USB1: variants seen among roughly 807,000 people sequenced by gnomAD.
USB1 encodes U6 snRNA phosphodiesterase 1.
In USB1, 21 loss-of-function variants were observed where a neutral mutation model predicts 29.9. That is an observed-to-expected ratio of 0.70 (90% CI 0.50 to 1.01). The LOEUF is 1.01. Ranked by LOEUF, USB1 falls within the 50% of genes least tolerant of loss-of-function variation. USB1 has a pLI of 0.00. For synonymous variants in USB1, 143 were observed against 134.9 expected, an observed-to-expected ratio of 1.06 and a Z score of -0.42; for missense variants, 330 against 347.1, an observed-to-expected ratio of 0.95 and a Z score of 0.39.
At chr16:58,010,779 C>A in intron 3 of USB1, 1 of 549,130 alleles carries the variant, frequency 1.8e-6, no homozygotes, top group Admixed American at 3.1e-5. Context: ...GGGTCCCGAG[C>A]ATGGGAGCTT....
chr16:58,010,838 G>A (rs150856515), intron 3 of USB1: 9 of 601,060 alleles, frequency 1.5e-5, no homozygotes, highest in Admixed American at 5.5e-5. Context: ...ACATGGGTGC[G>A]TTCTTAATCA....
chr16:58,019,881 C>A (rs1478913429), intron 6 of USB1, among the ~76,000 whole-genome samples: 2 of 152,144 alleles, frequency 1.3e-5, no homozygotes, highest in Non-Finnish European at 2.9e-5. Context: ...CTCCGGCAGA[C>A]CTGGGTCCCA....
intron 2 of USB1, among the ~76,000 whole-genome samples, chr16:58,003,395 C>T (rs1356358914): frequency 6.6e-6 from 1 of 152,214 alleles, no homozygotes; most frequent in Non-Finnish European, 1.5e-5. Flanking sequence ...CCACTGCACT[C>T]CAGCCTGGGT....
chr16:58,017,422 C>T lies in USB1; in HGVS notation c.592C>T (p.Leu198Phe), dbSNP rs765307761. The change falls in exon 5 of 7, where the codon CTC (leucine) becomes TTC (phenylalanine). Residue 198 changes from leucine to phenylalanine, a missense_variant. By Grantham distance (22) the Leu-to-Phe change is conservative. Coordinates refer to ENST00000219281, the MANE Select transcript of USB1 (RefSeq NM_024598.4). ...GGACAGAGTCATGGAGGAATTCAAC[C>T]TCACCACTTTCTACCAGGTAATGAA... ...EVDRVMEEFN[L>F]TTFYQDPSFH... 1.2e-6 allele frequency: 2 copies of T among 1,614,160 alleles called. No homozygotes were observed. The highest frequency in any genetic ancestry group is 1.7e-6 in the Non-Finnish European group (2 of 1,179,976).
At chr16:58,010,905 T>C in intron 3 of USB1, 1 of 680,176 alleles carries the variant, frequency 1.5e-6, no homozygotes, top group Non-Finnish European at 2.7e-6. Flanking sequence ...CTTCATCACA[T>C]AGGCATGATG....
intron 3 of USB1, 64 bp downstream of exon 3, chr16:58,010,176 G>A: frequency 6.3e-7 from 1 of 1,596,628 alleles, no homozygotes; most frequent in South Asian, 1.1e-5. Context: ...CCTCTCCTGA[G>A]CTACTGCGGG....
In USB1 at chr16:58,011,502, C is replaced by T. The variant is rs16959635; in HGVS notation, c.449+1390C>T. 2.8e-3 allele frequency: 2,867 copies of T among 1,013,452 alleles called. 65 individuals carry two copies. In the African/African-American group the frequency reaches 0.046, roughly 16 times the overall value. 62.8% of individuals were successfully genotyped at this position (1,013,452 alleles called of 1,614,324 possible). A position where few individuals can be genotyped will look rare whatever the true frequency, so the allele number is the denominator to read the frequency against. ...CCCTGCTCTTTCACTGAGGCTCTCCCGGTTGGCATATCCTGCAGAATCCCT... is the reference window on the plus strand; with the variant it reads ...CCCTGCTCTTTCACTGAGGCTCTCCTGGTTGGCATATCCTGCAGAATCCCT... On this transcript the variant is annotated intron_variant, in intron 3 of 6. Coordinates refer to ENST00000219281, the MANE Select transcript of USB1 (RefSeq NM_024598.4).
intron 2 of USB1, 83 bp downstream of exon 2, chr16:58,002,728 A>G (rs554131905): frequency 1.3e-6 from 2 of 1,584,774 alleles, no homozygotes; most frequent in East Asian, 2.3e-5. Context: ...CCCCAACTAG[A>G]AGGAAGAAAC....
chr16:58,010,491 G>A (rs1462315290), intron 3 of USB1, among the ~76,000 whole-genome samples: 1 of 152,162 alleles, frequency 6.6e-6, no homozygotes, highest in African/African-American at 2.4e-5. Flanking sequence ...CAGGGTTAGT[G>A]CAGACTTCAT....
chr16:58,016,969 C>A, intron 4 of USB1: 1 of 327,124 alleles, frequency 3.1e-6, no homozygotes, highest in Non-Finnish European at 5.9e-6. Context: ...GGAGCAAAGT[C>A]CTCGAGAAGA....
chr16:58,020,512 CCT>C lies in USB1; in HGVS notation c.*276_*277del, dbSNP rs963332207. ...CTCTTCCTCTCTTCTCTCTTCCTCTCCTCTCTCTCTTCCTCTTCTCTCTCTTC... is the reference window on the plus strand; with the variant it reads ...CTCTTCCTCTCTTCTCTCTTCCTCTCCTCTCTCTTCCTCTTCTCTCTCTTC... On this transcript the variant is annotated 3_prime_UTR_variant, in exon 7 of 7. Transcript: ENST00000219281. 45 of 518,266 alleles carry C rather than the reference CCT, an allele frequency of 8.7e-5. No individual in the cohort carries two copies. The highest frequency in any genetic ancestry group is 2.4e-4 in the East Asian group (7 of 28,926). The allele number at this position is 518,266 out of a possible 1,614,324, so 32.1% of individuals were successfully genotyped here. A position where few individuals can be genotyped will look rare whatever the true frequency, so the allele number is the denominator to read the frequency against.
At chr16:58,001,972 TC>T in intron 1 of USB1, among the ~76,000 whole-genome samples, 1 of 152,294 alleles carries the variant, frequency 6.6e-6, no homozygotes, top group South Asian at 2.1e-4. Flanking sequence ...GAGCACCCAC[TC>T]CCTGCCAGGC....
At chr16:58,018,127 A>C (rs1222444620) in intron 5 of USB1, among the ~76,000 whole-genome samples, 1 of 152,206 alleles carries the variant, frequency 6.6e-6, no homozygotes, top group Non-Finnish European at 1.5e-5. Context: ...TGTCATAACA[A>C]AATACCATAG....
Position 58,013,061 on chromosome 16 carries a change from A to G in USB1, c.450-1212A>G, listed in dbSNP as rs1022512713. ...AGCCCGGGCAGGTGTGGTCTGTTCA[A>G]CTTTGATCATCTGGTTGAGCCTAAG... is the stretch of plus-strand genomic sequence containing the variant. On this transcript the variant is annotated intron_variant, in intron 3 of 6. Transcript: ENST00000219281. The surrounding 1 kb of genome is among the most constrained non-coding windows in gnomAD (Gnocchi z 4.3). 3.0e-6 allele frequency: 3 copies of G among 985,388 alleles called. No individual in the cohort carries two copies. The African/African-American group carries it at 5.2e-5, about 17-fold the overall frequency. 61.0% of individuals were successfully genotyped at this position (985,388 alleles called of 1,614,324 possible).
intron 2 of USB1, among the ~76,000 whole-genome samples, chr16:58,007,054 T>C (rs541539853): frequency 7.2e-5 from 11 of 152,374 alleles, no homozygotes; most frequent in Non-Finnish European, 1.0e-4. Context: ...TTTGAATACC[T>C]GGGATAAATC....
intron 3 of USB1, chr16:58,011,690 C>A: frequency 1.0e-6 from 1 of 987,888 alleles, no homozygotes; most frequent in East Asian, 1.1e-4. Context: ...TCAGTTGGTC[C>A]TGTGGTTCTT....
intron 1 of USB1, among the ~76,000 whole-genome samples, chr16:58,002,080 C>T (rs189179857): frequency 5.8e-4 from 88 of 152,340 alleles, no homozygotes; most frequent in African/African-American, 2.0e-3. Flanking sequence ...GAGTGCTTTA[C>T]AAGCAGTAGC....
intron 2 of USB1, among the ~76,000 whole-genome samples, chr16:58,004,515 A>G (rs1963307340): frequency 6.6e-6 from 1 of 152,252 alleles, no homozygotes; most frequent in Non-Finnish European, 1.5e-5. Flanking sequence ...CCTGGGCTCA[A>G]GCAATCCTCT....
chr16:58,012,264 T>C (rs1963513264), intron 3 of USB1: 1 of 1,534,464 alleles, frequency 6.5e-7, no homozygotes, highest in Non-Finnish European at 8.7e-7. Context: ...TCCCCCTCTT[T>C]GGATTGTCAT....
Sources: gnomAD v4.1 joint callset for allele counts (sites outside exome capture counted in the v4.1 genomes callset) on GRCh38, gnomAD v4.1.1 for gene constraint, Gnocchi (gnomAD v3.1) non-coding constraint, MANE v1.5 for transcripts, NCBI Gene and HGNC (gene_info 2026-07-23, HGNC 2026-07-21) for gene names.